The following DCC variants were observed in gnomAD, a reference collection of about 807,000 sequenced individuals.
The protein encoded by DCC is DCC netrin 1 receptor.
A neutral mutation model predicts 172.5 loss-of-function variants in DCC; 58 were observed. The observed-to-expected ratio is 0.34, with a 90% CI of 0.27 to 0.42. DCC has a LOEUF of 0.42. Among genes scored for constraint, DCC ranks in the 10% least tolerant of loss-of-function variants. The pLI is 1.00. For synonymous variants in DCC, 709 were observed against 644.5 expected (o/e 1.10, Z -1.52); for missense variants, 1,740 against 1,791.0 (o/e 0.97, Z 0.51).
At chr18:53,370,931 G>A (rs190878721) in intron 15 of DCC, among the ~76,000 whole-genome samples, 25 of 151,752 alleles carry the variant, frequency 1.6e-4, no homozygotes, top group Non-Finnish European at 1.3e-4. Context: ...AAATTTTACC[G>A]AAACAAGTGA....
chr18:52,717,865 C>A (rs2036410939), intron 1 of DCC, among the ~76,000 whole-genome samples: 1 of 152,086 alleles, frequency 6.6e-6, no homozygotes, highest in African/African-American at 2.4e-5. Flanking sequence ...CAAAAACAGG[C>A]AGAACTTTTA....
chr18:52,967,102 A>C (rs1244758753), intron 5 of DCC, among the ~76,000 whole-genome samples: 1 of 152,186 alleles, frequency 6.6e-6, no homozygotes, highest in African/African-American at 2.4e-5. Flanking sequence ...TCCTTTTCCC[A>C]GTCCAGTATC....
chr18:52,532,446 T>C (rs2032178045), intron 1 of DCC, among the ~76,000 whole-genome samples: 1 of 152,134 alleles, frequency 6.6e-6, no homozygotes, highest in Non-Finnish European at 1.5e-5. Flanking sequence ...GTAGTATGTG[T>C]TCAAAGTACA....
intron 1 of DCC, among the ~76,000 whole-genome samples, chr18:52,402,168 G>A (rs982334686): frequency 6.6e-6 from 1 of 151,922 alleles, no homozygotes; most frequent in African/African-American, 2.4e-5. Flanking sequence ...TTCATAGTAA[G>A]TGAAAGTAAC....
intron 9 of DCC, among the ~76,000 whole-genome samples, chr18:53,192,355 A>C (rs2055377974): frequency 6.6e-6 from 1 of 152,250 alleles, no homozygotes; most frequent in African/African-American, 2.4e-5. Flanking sequence ...TCATTTTTTC[A>C]AGTATGGAGA....
intron 17 of DCC, among the ~76,000 whole-genome samples, chr18:53,396,488 C>T (rs144857470): frequency 0.023 from 3,509 of 152,296 alleles, 67 homozygotes; most frequent in Middle Eastern, 0.065. Flanking sequence ...ATAATACCAA[C>T]ACCACTTTAA....
chr18:53,005,251 T>G (rs2041626950), intron 5 of DCC, among the ~76,000 whole-genome samples: 1 of 152,180 alleles, frequency 6.6e-6, no homozygotes, highest in Non-Finnish European at 1.5e-5. Flanking sequence ...GAAGCAGTTA[T>G]CTATTTAACT....
intron 2 of DCC, among the ~76,000 whole-genome samples, chr18:52,794,752 G>T (rs923968349): frequency 6.6e-6 from 1 of 151,990 alleles, no homozygotes; most frequent in Non-Finnish European, 1.5e-5. Context: ...CATTAAGTAC[G>T]ATGTTAGCTG....
chr18:53,001,556 G>A (rs1207989538), intron 5 of DCC, among the ~76,000 whole-genome samples: 2 of 151,986 alleles, frequency 1.3e-5, no homozygotes, highest in Non-Finnish European at 2.9e-5. Flanking sequence ...TTTTCTCTTG[G>A]ATAACTTTCT....
chr18:53,385,099 G>A (rs34113581), intron 15 of DCC, among the ~76,000 whole-genome samples: 40,850 of 142,390 alleles, frequency 0.29, 6,111 homozygotes, highest in East Asian at 0.51. Context: ...CATTTTTATT[G>A]CTTACATTTA....
At chr18:52,671,532 CT>C (rs761856360) in intron 1 of DCC, among the ~76,000 whole-genome samples, 17,446 of 116,868 alleles carry the variant, frequency 0.15, 564 homozygotes, top group Admixed American at 0.19. Flanking sequence ...ATATGCCAAC[CT>C]TTTTTTTTTT....
intron 5 of DCC, among the ~76,000 whole-genome samples, chr18:52,948,755 G>C (rs532138217): frequency 2.6e-5 from 4 of 152,220 alleles, no homozygotes; most frequent in African/African-American, 7.2e-5. Context: ...ATTCATGAAG[G>C]GTTGTTTTAC....
intron 25 of DCC, among the ~76,000 whole-genome samples, chr18:53,483,497 C>T (rs1490708620): frequency 6.6e-6 from 1 of 151,632 alleles, no homozygotes; most frequent in African/African-American, 2.4e-5. Flanking sequence ...CAACATCATC[C>T]CCTTAAAAAA....
intron 1 of DCC, among the ~76,000 whole-genome samples, chr18:52,627,218 C>A (rs746816593): frequency 3.9e-5 from 6 of 152,168 alleles, no homozygotes; most frequent in Non-Finnish European, 8.8e-5. Flanking sequence ...GCAGTTACTT[C>A]ATATTTTTAT....
intron 1 of DCC, among the ~76,000 whole-genome samples, chr18:52,735,188 A>T (rs2036706045): frequency 6.6e-6 from 1 of 152,120 alleles, no homozygotes; most frequent in Admixed American, 6.6e-5. Flanking sequence ...GAACAGAGAA[A>T]CTGTCTTCAT....
At chr18:52,344,914 C>T (rs764447279) in intron 1 of DCC, among the ~76,000 whole-genome samples, 1 of 152,184 alleles carries the variant, frequency 6.6e-6, no homozygotes, top group South Asian at 2.1e-4. Context: ...CCCCCTCATA[C>T]CTTCTCCTTC....
chr18:53,357,865 C>G (rs2057894828), intron 15 of DCC, among the ~76,000 whole-genome samples: 1 of 152,054 alleles, frequency 6.6e-6, no homozygotes, highest in Non-Finnish European at 1.5e-5. Flanking sequence ...ATATTGTGTG[C>G]TGTATAAGCC....
intron 9 of DCC, among the ~76,000 whole-genome samples, chr18:53,199,405 T>A (rs546919978): frequency 1.9e-4 from 29 of 152,192 alleles, no homozygotes; most frequent in African/African-American, 6.5e-4. Context: ...TGTTGAACAT[T>A]TTTGAGTCTC....
chr18:53,468,106 C>A, intron 25 of DCC, 96 bp downstream of exon 25: 1 of 758,370 alleles, frequency 1.3e-6, no homozygotes, highest in South Asian at 1.4e-5. Context: ...TTATAATTTT[C>A]CCTGAACTTT....
Sources: gnomAD v4.1 joint callset for allele counts (sites outside exome capture counted in the v4.1 genomes callset) on GRCh38, gnomAD v4.1.1 for gene constraint, MANE v1.5 for transcripts, NCBI Gene and HGNC (gene_info 2026-07-23, HGNC 2026-07-21) for gene names.